The following CPSF7 variants were observed in gnomAD, a reference collection of about 807,000 sequenced individuals.
CPSF7 encodes the protein cleavage and polyadenylation specific factor 7.
A neutral mutation model predicts 44.3 loss-of-function variants in CPSF7; 1 was observed. The observed-to-expected ratio is 0.02, with a 90% CI of 0.01 to 0.11. The LOEUF (loss-of-function observed/expected upper bound fraction) is 0.11. Among genes scored for constraint, CPSF7 ranks in the 10% least tolerant of loss-of-function variants. The pLI is 1.00. For missense variants in CPSF7, 443 were observed against 607.2 expected (o/e 0.73, Z 2.84); for synonymous variants, 202 against 222.0 (o/e 0.91, Z 0.80).
At chr11:61,418,509 T>G (rs1259267283) in intron 5 of CPSF7, among the ~76,000 whole-genome samples, 3 of 152,120 alleles carry the variant, frequency 2.0e-5, no homozygotes, top group Admixed American at 1.3e-4. Context: ...ATAACACCAA[T>G]TTATTAATTT....
intron 5 of CPSF7, among the ~76,000 whole-genome samples, chr11:61,419,702 C>A (rs968921700): frequency 6.6e-6 from 1 of 152,118 alleles, no homozygotes. Flanking sequence ...CAAGGTCACA[C>A]GAGTCAGTGG....
intron 1 of CPSF7, 60 bp downstream of exon 1, chr11:61,429,854 C>G: frequency 6.5e-7 from 1 of 1,542,892 alleles, no homozygotes; most frequent in Non-Finnish European, 8.7e-7. Context: ...CTTCCCGCCT[C>G]AGTGCCGGCC....
intron 5 of CPSF7, among the ~76,000 whole-genome samples, chr11:61,417,519 CAGCA>C (rs1860450452): frequency 6.6e-6 from 1 of 152,176 alleles, no homozygotes; most frequent in Admixed American, 6.6e-5. Flanking sequence ...ATGCCACTGG[CAGCA>C]AGTGTGGAGG....
chr11:61,429,643 C>G (rs1590756519), intron 1 of CPSF7: 1 of 1,233,704 alleles, frequency 8.1e-7, no homozygotes, highest in Non-Finnish European at 1.1e-6. Context: ...GCCTAGCCCC[C>G]AAGGCGGCTC....
At position 61,425,662 on chromosome 11, in the gene CPSF7, A is replaced by G. The variant is rs574276613; in HGVS notation, c.54+3520T>C. 1.2e-4 allele frequency among the ~76,000 whole-genome samples: 19 copies of G among 152,302 alleles called. No individual in the cohort carries two copies. In the South Asian group the frequency reaches 3.9e-3, roughly 32 times the overall value. On this transcript the variant is annotated intron_variant, in intron 2 of 9. Coordinates refer to ENST00000439958, the MANE Select transcript of CPSF7 (RefSeq NM_001142565.3). ...CTAGCCTAGGATTTATTTTTCTCAGAGCAACCAACTTGATACCATTGTTTC... is the reference window on the plus strand; with the variant it reads ...CTAGCCTAGGATTTATTTTTCTCAGGGCAACCAACTTGATACCATTGTTTC...
chr11:61,415,421 A>T (rs1049088921), intron 7 of CPSF7, among the ~76,000 whole-genome samples: 3 of 152,202 alleles, frequency 2.0e-5, no homozygotes, highest in African/African-American at 4.8e-5. Context: ...GATGGTATTA[A>T]TTATTTATAT....
intron 7 of CPSF7, among the ~76,000 whole-genome samples, chr11:61,415,213 GGGCGACAGGGCA>G (rs1173174015): frequency 6.6e-6 from 1 of 152,136 alleles, no homozygotes; most frequent in Non-Finnish European, 1.5e-5. Flanking sequence ...ACTCCAGCCT[GGGCGACAGGGCA>G]AGACTCCCTC....
At chr11:61,422,763 T>C (rs959751259) in intron 2 of CPSF7, among the ~76,000 whole-genome samples, 2 of 152,228 alleles carry the variant, frequency 1.3e-5, no homozygotes, top group Non-Finnish European at 2.9e-5. Context: ...ATTCTGCCTA[T>C]GTGATATCTT....
At chr11:61,420,377 T>A (rs920659054) in intron 4 of CPSF7, 93 bp downstream of exon 4, 9 of 1,134,050 alleles carry the variant, frequency 7.9e-6, no homozygotes, top group Non-Finnish European at 1.2e-5. Context: ...GGGCCAGGGG[T>A]GGGAGTGATT....
chr11:61,406,965 C>T (rs1163700735), intron 9 of CPSF7, among the ~76,000 whole-genome samples: 3 of 152,122 alleles, frequency 2.0e-5, no homozygotes, highest in Non-Finnish European at 1.5e-5. Context: ...CTGGTAGAGA[C>T]GAGTGTTTTG....
At chr11:61,412,913 T>C (rs1046087440) in intron 7 of CPSF7, among the ~76,000 whole-genome samples, 1 of 152,246 alleles carries the variant, frequency 6.6e-6, no homozygotes, top group African/African-American at 2.4e-5. Context: ...TGGAGGAATA[T>C]AAACTATAAA....
In CPSF7 at chr11:61,411,951, A is replaced by G; in HGVS notation, c.1058-14T>C. The G allele has an allele frequency of 6.2e-7, 1 of 1,613,190 alleles. No individual in the cohort carries two copies. The highest frequency in any genetic ancestry group is 1.1e-5 in the South Asian group (1 of 91,048). On this transcript the variant is annotated splice_polypyrimidine_tract_variant and intron_variant, in intron 7 of 9. Transcript: ENST00000439958. ...CACTGTAATCCCCTGATAAAGGATGAAGGAGAAAGGCCAAGGGTGAGGAGA... is the reference window on the plus strand; with the variant it reads ...CACTGTAATCCCCTGATAAAGGATGGAGGAGAAAGGCCAAGGGTGAGGAGA...
rs1590688344 is a variant in CPSF7, at chr11:61,413,443, C to G, written c.1058-1506G>C. Among the ~76,000 whole-genome samples the G allele has an allele frequency of 2.6e-5, 4 of 151,918 alleles. No homozygotes were observed. In the South Asian group the frequency reaches 8.3e-4, roughly 32 times the overall value. Reference sequence around the variant, plus strand: ...AGCCAGAGTTCGAGACCAGCCTGGCCAAAATGGTGAAACCCGGTCTCTACT... The same window carrying G: ...AGCCAGAGTTCGAGACCAGCCTGGCGAAAATGGTGAAACCCGGTCTCTACT... On this transcript the variant is annotated intron_variant, in intron 7 of 9. Coordinates refer to ENST00000439958, the MANE Select transcript of CPSF7 (RefSeq NM_001142565.3).
intron 2 of CPSF7, among the ~76,000 whole-genome samples, chr11:61,422,701 C>T (rs1391178252): frequency 6.6e-6 from 1 of 152,166 alleles, no homozygotes; most frequent in Non-Finnish European, 1.5e-5. Context: ...CTGTATCACA[C>T]AGTAAGCATT....
chr11:61,419,397 C>A (rs982292171), intron 5 of CPSF7, among the ~76,000 whole-genome samples: 1 of 152,192 alleles, frequency 6.6e-6, no homozygotes, highest in African/African-American at 2.4e-5. Flanking sequence ...CACCCTCTCC[C>A]CTGGACAATG....
intron 2 of CPSF7, among the ~76,000 whole-genome samples, chr11:61,421,954 CA>C (rs1860922650): frequency 6.6e-6 from 1 of 152,182 alleles, no homozygotes; most frequent in South Asian, 2.1e-4. Flanking sequence ...CTAAAGACCA[CA>C]TCTAAGATAA....
At chr11:61,405,025 A>G (rs1859180118) in intron 9 of CPSF7, among the ~76,000 whole-genome samples, 1 of 152,218 alleles carries the variant, frequency 6.6e-6, no homozygotes, top group African/African-American at 2.4e-5. Flanking sequence ...AAAGTATGGA[A>G]ACTGTGACAT....
chr11:61,429,762 C>A (rs1289080629), intron 1 of CPSF7, 152 bp downstream of exon 1: 1 of 1,546,754 alleles, frequency 6.5e-7, no homozygotes, highest in African/African-American at 1.4e-5. Context: ...CAAACCCGGC[C>A]CGGCGCGCTC....
intron 2 of CPSF7, among the ~76,000 whole-genome samples, chr11:61,423,099 C>T (rs1328783938): frequency 7.6e-5 from 7 of 92,254 alleles, no homozygotes; most frequent in African/African-American, 3.2e-4. Context: ...GAGTGAGACC[C>T]CATATCAAAA....
Sources: allele counts gnomAD v4.1 joint callset (sites outside exome capture counted in the v4.1 genomes callset), GRCh38; gene constraint gnomAD v4.1.1; transcripts MANE v1.5; gene names NCBI Gene and HGNC (gene_info 2026-07-23, HGNC 2026-07-21).